Variants in PICALM observed in about 807,000 individuals in gnomAD.
PICALM encodes phosphatidylinositol-binding clathrin assembly protein.
In PICALM, 40 loss-of-function variants were observed where a neutral mutation model predicts 80.5. The ratio of observed to expected loss-of-function variants is 0.50; its 90% confidence interval spans 0.39 to 0.65. The LOEUF (loss-of-function observed/expected upper bound fraction) is 0.65, where lower values mean the gene tolerates loss of function less well. Among genes scored for constraint, PICALM ranks in the 30% least tolerant of loss-of-function variants. The pLI, the probability that PICALM is intolerant of heterozygous loss-of-function variation, is 0.00. For missense variants in PICALM, 676 were observed against 778.9 expected, an observed-to-expected ratio of 0.87 and a Z score of 1.57; for synonymous variants, 288 against 260.3, an observed-to-expected ratio of 1.11 and a Z score of -1.02.
chr11:86,003,525 T>C (rs2136141793), intron 8 of PICALM, 74 bp from the exon 9 acceptor site: 1 of 874,770 alleles, frequency 1.1e-6, no homozygotes, highest in Non-Finnish European at 1.7e-6. Context: ...ATCATCTAAT[T>C]AGAGAGCAAC....
chr11:86,010,366 G>A (rs1347948151), intron 7 of PICALM, among the ~76,000 whole-genome samples: 1 of 148,456 alleles, frequency 6.7e-6, no homozygotes, highest in Non-Finnish European at 1.5e-5. Context: ...TTGCTCTGTC[G>A]CCCAGCCTGG....
At position 86,045,519 on chromosome 11, in the gene PICALM, C is replaced by CAAAAAAAAAAAAA. The variant is rs71040207; in HGVS notation, c.131-13921_131-13909dup. 2.1e-4 allele frequency among the ~76,000 whole-genome samples: 10 copies of CAAAAAAAAAAAAA among 47,802 alleles called. 1 individual carries two copies. Among genetic ancestry groups the CAAAAAAAAAAAAA allele is most frequent in the South Asian group, 1.3e-3 (1 of 762 alleles). The allele number at this position is 47,802 out of a possible 152,430, so 31.4% of individuals were successfully genotyped here. A position where few individuals can be genotyped will look rare whatever the true frequency, so the allele number is the denominator to read the frequency against. ...CATAGTGAGACCCTGTCTTGAAATTCAAAAAAAAAAAAAAAAAAAAAAAAA... is the reference window on the plus strand; with the variant it reads ...CATAGTGAGACCCTGTCTTGAAATTCAAAAAAAAAAAAAAAAAAAAAAAAAAAAAAAAAAAAAA... On this transcript the variant is annotated intron_variant, in intron 1 of 19. Coordinates refer to ENST00000393346, the MANE Select transcript of PICALM (RefSeq NM_007166.4).
At chr11:85,982,438 T>TTTTTTTTTTTTTTTTTTTTTTTTTTTG (rs1565278982) in intron 14 of PICALM, among the ~76,000 whole-genome samples, 1 of 135,704 alleles carries the variant, frequency 7.4e-6, no homozygotes, top group African/African-American at 2.9e-5. Flanking sequence ...TTTTTTTTTT[T>TTTTTTTTTTTTTTTTTTTTTTTTTTTG]GAGACGGAGT....
chr11:86,059,870 T>TAA (rs58190208), intron 1 of PICALM, among the ~76,000 whole-genome samples: 118 of 138,824 alleles, frequency 8.5e-4, no homozygotes, highest in Admixed American at 5.1e-3. Flanking sequence ...AGTTTTGACA[T>TAA]AAAAAAAAAA....
At chr11:85,967,907 T>A (rs2093957455) in intron 19 of PICALM, among the ~76,000 whole-genome samples, 1 of 151,366 alleles carries the variant, frequency 6.6e-6, no homozygotes, top group Non-Finnish European at 1.5e-5. Flanking sequence ...GACACTTAAC[T>A]GATGTCAGAC....
intron 14 of PICALM, among the ~76,000 whole-genome samples, chr11:85,982,940 T>C (rs1489482989): frequency 6.6e-6 from 1 of 152,172 alleles, no homozygotes; most frequent in Non-Finnish European, 1.5e-5. Context: ...CTAGGAATAT[T>C]ACAGTTTGAA....
In PICALM at chr11:86,007,144, C is replaced by A. The variant is rs148778119; in HGVS notation, c.807+398G>T. ...CCTAAATTAATACTCCCACCTGAGT[C>A]AAACAGTCAAAGTGGAAGTTTAAAA... On this transcript the variant is annotated intron_variant, in intron 8 of 19. Transcript: ENST00000393346. Among the ~76,000 whole-genome samples, 481 of 152,236 alleles carry A rather than the reference C, an allele frequency of 3.2e-3. 3 individuals are homozygous for A. The highest frequency in any genetic ancestry group is 0.011 in the African/African-American group (464 of 41,548).
Position 86,014,908 on chromosome 11 carries a change from T to C in PICALM, c.508A>G (p.Ile170Val), listed in dbSNP as rs1470245732. The change falls in exon 5 of 20, where the codon ATT becomes GTT. Residue 170 changes from isoleucine (I) to valine (V), a missense_variant. By Grantham distance (29) the Ile-to-Val change is conservative (BLOSUM62 3). Coordinates refer to ENST00000393346, the MANE Select transcript of PICALM (RefSeq NM_007166.4). ...AGTGCATCCATCTGATTCTGAATAA[T>C]TGGTACAGTTTTTAGGAGTTTTTCT... The part of the protein sequence containing the change: ...NTEKLLKTVP[I>V]IQNQMDALLD... 3 of 1,592,568 alleles carry C rather than the reference T, an allele frequency of 1.9e-6. No homozygotes were observed. Among genetic ancestry groups the C allele is most frequent in the South Asian group, 2.2e-5 (2 of 89,036 alleles).
At chr11:85,979,504 T>C (rs1244245838) in intron 17 of PICALM, among the ~76,000 whole-genome samples, 1 of 147,138 alleles carries the variant, frequency 6.8e-6, no homozygotes, top group East Asian at 2.0e-4. Flanking sequence ...AAAAAAAAAA[T>C]ACAAAATAAT....
intron 19 of PICALM, among the ~76,000 whole-genome samples, chr11:85,972,158 T>C (rs541754170): frequency 3.9e-5 from 6 of 152,226 alleles, no homozygotes; most frequent in Non-Finnish European, 8.8e-5. Context: ...GCAAAACTCA[T>C]ACACAATGTT....
chr11:86,066,159 G>C (rs1218477020), intron 1 of PICALM, among the ~76,000 whole-genome samples: 1 of 152,126 alleles, frequency 6.6e-6, no homozygotes, highest in Non-Finnish European at 1.5e-5. Flanking sequence ...GTCCGTAGAA[G>C]ACTTTTTAAT....
chr11:86,009,170 G>A (rs1348360620), intron 7 of PICALM, among the ~76,000 whole-genome samples: 2 of 150,940 alleles, frequency 1.3e-5, no homozygotes, highest in Non-Finnish European at 3.0e-5. Context: ...GCGGGCACCT[G>A]TAATCCCAGC....
intron 1 of PICALM, among the ~76,000 whole-genome samples, chr11:86,060,066 C>A (rs1258507586): frequency 6.6e-6 from 1 of 152,174 alleles, no homozygotes; most frequent in African/African-American, 2.4e-5. Flanking sequence ...TACCACATCT[C>A]TTGCTTGAAA....
chr11:85,983,723 A>G (rs972619433), intron 14 of PICALM, 143 bp downstream of exon 14: 3 of 470,200 alleles, frequency 6.4e-6, no homozygotes, highest in African/African-American at 4.1e-5. Flanking sequence ...TGAAGTTCTC[A>G]TCTAGTGCTT....
At position 86,048,756 on chromosome 11, in the gene PICALM, T is replaced by C. The variant is rs1197947569; in HGVS notation, c.131-17145A>G. On this transcript the variant is annotated intron_variant, in intron 1 of 19. Coordinates refer to ENST00000393346, the MANE Select transcript of PICALM (RefSeq NM_007166.4). The stretch of plus-strand genomic sequence containing the variant: ...CTGAGGCAGGAGAATCGCTTGAACC[T>C]GGGAGGCAGAGGTTGCGGTGAGCCA... Among the ~76,000 whole-genome samples, 3 of 144,348 alleles carry C rather than the reference T, an allele frequency of 2.1e-5. No individual in the cohort carries two copies. In the Admixed American group the frequency reaches 2.2e-4, roughly 11 times the overall value. The allele number at this position is 144,348 out of a possible 152,430, so 94.7% of individuals were successfully genotyped here.
chr11:85,971,330 T>C (rs2094105413), intron 19 of PICALM, among the ~76,000 whole-genome samples: 1 of 152,182 alleles, frequency 6.6e-6, no homozygotes, highest in Non-Finnish European at 1.5e-5. Flanking sequence ...TAAGAAAAGG[T>C]ATTTCTGTCC....
intron 3 of PICALM, among the ~76,000 whole-genome samples, chr11:86,025,192 G>A (rs542144187): frequency 5.1e-4 from 78 of 152,294 alleles, no homozygotes; most frequent in African/African-American, 1.9e-3. Flanking sequence ...ATGAGGTCAA[G>A]AGATGCAGAC....
chr11:86,002,587 T>G (rs1304345576), intron 9 of PICALM, among the ~76,000 whole-genome samples: 2 of 152,220 alleles, frequency 1.3e-5, no homozygotes, highest in Admixed American at 6.5e-5. Flanking sequence ...ATATCAATAA[T>G]CAACCCCATG....
intron 1 of PICALM, among the ~76,000 whole-genome samples, chr11:86,068,194 G>A (rs1462349037): frequency 2.0e-5 from 3 of 152,194 alleles, no homozygotes; most frequent in South Asian, 2.1e-4. Flanking sequence ...CAAGGATCTG[G>A]ATGCAAGGAA....
Sources: gnomAD v4.1 joint callset for allele counts (sites outside exome capture counted in the v4.1 genomes callset) on GRCh38, gnomAD v4.1.1 for gene constraint, MANE v1.5 for transcripts, NCBI Gene and HGNC (gene_info 2026-07-23, HGNC 2026-07-21) for gene names.